The following CSNK2A2IP variants were observed in gnomAD, a reference collection of about 807,000 sequenced individuals.
CSNK2A2IP encodes casein kinase 2 subunit alpha' interacting protein, also known as casein kinase II subunit alpha'-interacting protein.
the CSNK2A2IP span, among the ~76,000 whole-genome samples, chr3:88,403,602 G>C: frequency 6.6e-6 from 1 of 151,982 alleles, no homozygotes; most frequent in East Asian, 1.9e-4. Context: ...AATAACAATA[G>C]TTAACATTTA....
chr3:88,380,299 A>G, the CSNK2A2IP span, among the ~76,000 whole-genome samples: 5 of 152,208 alleles, frequency 3.3e-5, no homozygotes, highest in South Asian at 6.2e-4. Context: ...TAAAGTACCA[A>G]TGTTGAAAGA....
At chr3:88,417,873 AT>A in the CSNK2A2IP span, among the ~76,000 whole-genome samples, 2 of 152,226 alleles carry the variant, frequency 1.3e-5, no homozygotes, top group Non-Finnish European at 2.9e-5. Context: ...ACAATTCTGT[AT>A]GTACATATGT....
At chr3:88,447,657 TA>T in the CSNK2A2IP span, among the ~76,000 whole-genome samples, 69 of 152,110 alleles carry the variant, frequency 4.5e-4, no homozygotes, top group Non-Finnish European at 7.1e-4. Context: ...CTTGTATTTG[TA>T]TAAAAATGCA....
At chr3:88,414,561 A>C in the CSNK2A2IP span, among the ~76,000 whole-genome samples, 1 of 151,902 alleles carries the variant, frequency 6.6e-6, no homozygotes, top group South Asian at 2.1e-4. Context: ...GGTTACAGGC[A>C]TGAGCCACAG....
At chr3:88,363,784 C>T in the CSNK2A2IP span, among the ~76,000 whole-genome samples, 1,436 of 152,266 alleles carry the variant, frequency 9.4e-3, 25 homozygotes, top group African/African-American at 0.032. Context: ...AATTTTTCCT[C>T]ACCACTGATG....
At chr3:88,453,639 T>C in the CSNK2A2IP span, among the ~76,000 whole-genome samples, 1 of 152,094 alleles carries the variant, frequency 6.6e-6, no homozygotes, top group South Asian at 2.1e-4. Context: ...AGCATTTGCC[T>C]CATTGTACCC....
At chr3:88,359,843 T>G in the CSNK2A2IP span, among the ~76,000 whole-genome samples, 1 of 152,214 alleles carries the variant, frequency 6.6e-6, no homozygotes, top group Non-Finnish European at 1.5e-5. Context: ...ATTTTGTGGC[T>G]GTTGGATGAA....
chr3:88,461,102 G>T, the CSNK2A2IP span, among the ~76,000 whole-genome samples: 6 of 151,444 alleles, frequency 4.0e-5, no homozygotes, highest in Admixed American at 6.6e-5. Flanking sequence ...AAAAAACAAA[G>T]AAACATTATT....
At chr3:88,397,522 G>T in the CSNK2A2IP span, among the ~76,000 whole-genome samples, 9 of 152,182 alleles carry the variant, frequency 5.9e-5, no homozygotes, top group East Asian at 5.8e-4. Context: ...AAATAACAGA[G>T]ATTTATTGAA....
the CSNK2A2IP span, among the ~76,000 whole-genome samples, chr3:88,351,136 C>T: frequency 6.6e-6 from 1 of 152,132 alleles, no homozygotes; most frequent in Non-Finnish European, 1.5e-5. Context: ...TGAAGAAATA[C>T]TCATCACTGG....
chr3:88,411,160 G>A, the CSNK2A2IP span, among the ~76,000 whole-genome samples: 1 of 151,826 alleles, frequency 6.6e-6, no homozygotes, highest in Admixed American at 6.6e-5. Flanking sequence ...ACACTAATGA[G>A]AACATCAAAG....
the CSNK2A2IP span, among the ~76,000 whole-genome samples, chr3:88,360,882 A>G: frequency 6.6e-6 from 1 of 152,084 alleles, no homozygotes; most frequent in African/African-American, 2.4e-5. Flanking sequence ...AGAATTACAA[A>G]TAACACTTAT....
chr3:88,364,869 A>G, the CSNK2A2IP span, among the ~76,000 whole-genome samples: 1 of 152,210 alleles, frequency 6.6e-6, no homozygotes. Flanking sequence ...GGAATAAATG[A>G]GTGAAAAATA....
At chr3:88,359,348 A>ATT in the CSNK2A2IP span, among the ~76,000 whole-genome samples, 6 of 150,872 alleles carry the variant, frequency 4.0e-5, no homozygotes, top group Admixed American at 3.3e-4. Flanking sequence ...TATCTTTTGT[A>ATT]TTTTTTTGGT....
At chr3:88,454,201 C>T in the CSNK2A2IP span, among the ~76,000 whole-genome samples, 1 of 151,884 alleles carries the variant, frequency 6.6e-6, no homozygotes, top group Non-Finnish European at 1.5e-5. Context: ...GACATATTTT[C>T]ATGTACTTAC....
the CSNK2A2IP span, among the ~76,000 whole-genome samples, chr3:88,376,449 C>A: frequency 6.6e-6 from 1 of 151,596 alleles, no homozygotes; most frequent in Non-Finnish European, 1.5e-5. Context: ...TGCTACAGAT[C>A]TTCACCTATC....
chr3:88,379,298 G>C, the CSNK2A2IP span, among the ~76,000 whole-genome samples: 3 of 152,076 alleles, frequency 2.0e-5, no homozygotes, highest in Admixed American at 6.6e-5. Flanking sequence ...CAGAATAAAC[G>C]CCTTGTCAAA....
chr3:88,429,400 C>G, the CSNK2A2IP span, among the ~76,000 whole-genome samples: 1 of 152,186 alleles, frequency 6.6e-6, no homozygotes, highest in African/African-American at 2.4e-5. Flanking sequence ...CTGGGAAGTA[C>G]CTGGGAGAGT....
chr3:88,458,136 T>C, the CSNK2A2IP span, among the ~76,000 whole-genome samples: 1 of 145,656 alleles, frequency 6.9e-6, no homozygotes, highest in Non-Finnish European at 1.5e-5. Context: ...ATATTTGTAA[T>C]TGTGGTTTTT....
Sources: allele counts gnomAD v4.1 joint callset (sites outside exome capture counted in the v4.1 genomes callset), GRCh38; gene constraint gnomAD v4.1.1; transcripts MANE v1.5; gene names NCBI Gene and HGNC (gene_info 2026-07-23, HGNC 2026-07-21).